CFAP54: variants seen among roughly 807,000 people sequenced by gnomAD.
CFAP54 encodes cilia- and flagella-associated protein 54.
A neutral mutation model predicts 370.4 loss-of-function variants in CFAP54; 290 were observed. That is an observed-to-expected ratio of 0.78 (90% CI 0.71 to 0.86). CFAP54 has a LOEUF of 0.86. CFAP54 is among the 40% of genes least tolerant of loss of function. The pLI, the probability that CFAP54 is intolerant of heterozygous loss-of-function variation, is 0.00. For synonymous variants in CFAP54, 1,206 were observed against 1,236.5 expected, an observed-to-expected ratio of 0.98 and a Z score of 0.52; for missense variants, 3,399 against 3,528.7, an observed-to-expected ratio of 0.96 and a Z score of 0.93.
intron 66 of CFAP54, among the ~76,000 whole-genome samples, chr12:96,860,182 G>C (rs1281158780): frequency 7.0e-6 from 1 of 142,072 alleles, no homozygotes; most frequent in Admixed American, 7.3e-5. Context: ...GACCCACAAG[G>C]CTGTAACTCA....
chr12:96,491,462 G>C (rs1044432887), intron 1 of CFAP54, among the ~76,000 whole-genome samples: 13 of 152,196 alleles, frequency 8.5e-5, no homozygotes, highest in African/African-American at 3.1e-4. Flanking sequence ...ATATTTAAAT[G>C]ATGACACTTG....
intron 50 of CFAP54, among the ~76,000 whole-genome samples, chr12:96,726,786 C>A (rs1957845441): frequency 1.3e-5 from 2 of 151,998 alleles, no homozygotes; most frequent in Admixed American, 6.6e-5. Flanking sequence ...AATTTTGGAT[C>A]TTTCCTGCTT....
intron 50 of CFAP54, among the ~76,000 whole-genome samples, chr12:96,730,436 A>G (rs921301600): frequency 2.6e-5 from 4 of 152,246 alleles, no homozygotes; most frequent in Non-Finnish European, 5.9e-5. Context: ...TCACAGCCCA[A>G]GAAACAAACT....
intron 40 of CFAP54, among the ~76,000 whole-genome samples, chr12:96,680,616 GCAGA>G (rs1302984141): frequency 2.6e-5 from 4 of 152,038 alleles, no homozygotes; most frequent in African/African-American, 7.2e-5. Flanking sequence ...TTTTACAAAT[GCAGA>G]CAGAGTTTTA....
intron 22 of CFAP54, among the ~76,000 whole-genome samples, chr12:96,581,611 A>G (rs1956033370): frequency 6.6e-6 from 1 of 151,772 alleles, no homozygotes; most frequent in Non-Finnish European, 1.5e-5. Context: ...AGATTGAGAA[A>G]CCCTAATCCA....
At chr12:96,816,404 G>T (rs1021272372) in intron 64 of CFAP54, among the ~76,000 whole-genome samples, 2 of 152,034 alleles carry the variant, frequency 1.3e-5, no homozygotes, top group African/African-American at 4.8e-5. Flanking sequence ...TTTTCAATGG[G>T]TAAGTTTTTC....
At chr12:96,772,368 C>T (rs965269869) in intron 60 of CFAP54, among the ~76,000 whole-genome samples, 1 of 152,148 alleles carries the variant, frequency 6.6e-6, no homozygotes, top group African/African-American at 2.4e-5. Flanking sequence ...AATCTGTTTC[C>T]TTGCATTTCC....
rs770974732 is a variant in CFAP54 at position 96,489,830 on chromosome 12, C to T, written c.221C>T (p.Ser74Phe). 4 of 1,536,116 alleles carry T rather than the reference C, an allele frequency of 2.6e-6. No individual in the cohort carries two copies. The highest frequency in any genetic ancestry group is 2.4e-5 in the South Asian group (2 of 84,064). The change falls in exon 1 of 68, where the codon TCT becomes TTT. Residue 74 changes from serine to phenylalanine, a missense_variant. Coordinates refer to ENST00000524981, the MANE Select transcript of CFAP54 (RefSeq NM_001306084.2). ...PLDAKNPLLASCEKEIQELLG... is the reference protein window; with the variant it reads ...PLDAKNPLLAFCEKEIQELLG... ...GACGCGAAAAACCCGCTCCTGGCCTCTTGTGAGAAGGAGATCCAGGAGTTG... is the reference window on the plus strand; with the variant it reads ...GACGCGAAAAACCCGCTCCTGGCCTTTTGTGAGAAGGAGATCCAGGAGTTG...
At chr12:96,635,987 C>T (rs1327707105) in intron 32 of CFAP54, among the ~76,000 whole-genome samples, 2 of 152,094 alleles carry the variant, frequency 1.3e-5, no homozygotes, top group African/African-American at 2.4e-5. Context: ...GCCACCCTCC[C>T]CTCCAGGAGG....
intron 62 of CFAP54, among the ~76,000 whole-genome samples, chr12:96,788,523 AT>A (rs1958651146): frequency 6.6e-6 from 1 of 152,220 alleles, no homozygotes; most frequent in African/African-American, 2.4e-5. Context: ...CATATAAGAT[AT>A]GTTCATGTTA....
At chr12:96,625,624 T>A (rs1956541968) in intron 28 of CFAP54, 94 bp from the exon 29 acceptor site, 2 of 662,102 alleles carry the variant, frequency 3.0e-6, no homozygotes, top group African/African-American at 3.7e-5. Context: ...TGTTTTGTCA[T>A]CTCTTTTAAA....
chr12:96,596,514 A>C (rs546973159), intron 25 of CFAP54, among the ~76,000 whole-genome samples: 1 of 152,150 alleles, frequency 6.6e-6, no homozygotes, highest in African/African-American at 2.4e-5. Context: ...AAATGTCTAG[A>C]TATTCATCTG....
intron 26 of CFAP54, among the ~76,000 whole-genome samples, chr12:96,618,974 C>G (rs76514059): frequency 6.6e-6 from 1 of 152,146 alleles, no homozygotes; most frequent in African/African-American, 2.4e-5. Flanking sequence ...AAGCAATCCT[C>G]GCATATCAGC....
intron 62 of CFAP54, among the ~76,000 whole-genome samples, chr12:96,789,042 T>A (rs1400891125): frequency 6.6e-6 from 1 of 152,220 alleles, no homozygotes; most frequent in African/African-American, 2.4e-5. Context: ...GGATGTGGTT[T>A]ATATTTATTG....
chr12:96,740,152 A>C (rs879863129), intron 51 of CFAP54, 91 bp downstream of exon 51: 22 of 735,718 alleles, frequency 3.0e-5, no homozygotes, highest in Middle Eastern at 2.8e-4. Context: ...AGATGAAGCA[A>C]AGGAGTAAAG....
chr12:96,636,451 C>A (rs1312483124), intron 32 of CFAP54, among the ~76,000 whole-genome samples: 1 of 152,116 alleles, frequency 6.6e-6, no homozygotes, highest in Non-Finnish European at 1.5e-5. Context: ...TGACTCTCTG[C>A]TATATCTATA....
intron 26 of CFAP54, among the ~76,000 whole-genome samples, chr12:96,619,103 A>G (rs974298162): frequency 2.0e-5 from 3 of 152,160 alleles, no homozygotes; most frequent in Non-Finnish European, 2.9e-5. Flanking sequence ...AGCTCATGCA[A>G]TCCACCTGCC....
At chr12:96,844,846 GCTCTGTGCAGC>G (rs1319123338) in intron 66 of CFAP54, among the ~76,000 whole-genome samples, 2 of 152,096 alleles carry the variant, frequency 1.3e-5, no homozygotes, top group African/African-American at 4.8e-5. Flanking sequence ...AAACGCCCCT[GCTCTGTGCAGC>G]CTCTCCCTCT....
At chr12:96,848,217 C>T (rs1030683057) in intron 66 of CFAP54, among the ~76,000 whole-genome samples, 11 of 152,046 alleles carry the variant, frequency 7.2e-5, no homozygotes, top group African/African-American at 2.7e-4. Flanking sequence ...GTTGGCATTA[C>T]AGGCATGCAC....
Sources: allele counts gnomAD v4.1 joint callset (sites outside exome capture counted in the v4.1 genomes callset), GRCh38; gene constraint gnomAD v4.1.1; transcripts MANE v1.5; gene names NCBI Gene and HGNC (gene_info 2026-07-23, HGNC 2026-07-21).